The following SGCZ variants were observed in gnomAD, a reference collection of about 807,000 sequenced individuals.
The protein encoded by SGCZ is sarcoglycan zeta.
SGCZ carries 40 observed loss-of-function variants against 41.3 expected under a neutral mutation model. The ratio of observed to expected loss-of-function variants is 0.97; its 90% CI spans 0.75 to 1.26. The LOEUF (loss-of-function observed/expected upper bound fraction) is 1.26. SGCZ is among the 50% of genes most tolerant of loss of function. The pLI is 0.00. For missense variants in SGCZ, 552 were observed against 369.8 expected (o/e 1.49, Z -4.04); for synonymous variants, 206 against 137.5 (o/e 1.50, Z -3.49).
At chr8:14,422,305 G>A (rs1159169078) in intron 2 of SGCZ, among the ~76,000 whole-genome samples, 2 of 152,144 alleles carry the variant, frequency 1.3e-5, no homozygotes, top group East Asian at 1.9e-4. Context: ...TTGAAAAGTA[G>A]AATCTGTTAG....
At chr8:14,322,494 T>C (rs943465674) in intron 3 of SGCZ, among the ~76,000 whole-genome samples, 11 of 152,204 alleles carry the variant, frequency 7.2e-5, no homozygotes, top group Admixed American at 7.2e-4. Context: ...CACATACTCC[T>C]GTTTCTCAAG....
chr8:14,943,581 T>C (rs1187779907), intron 1 of SGCZ, among the ~76,000 whole-genome samples: 5 of 152,172 alleles, frequency 3.3e-5, no homozygotes, highest in African/African-American at 1.2e-4. Context: ...TTGTTAACTT[T>C]TATTTGGGTT....
chr8:14,485,349 G>A (rs548922353), intron 2 of SGCZ, among the ~76,000 whole-genome samples: 15 of 152,208 alleles, frequency 9.9e-5, no homozygotes, highest in East Asian at 5.8e-4. Context: ...CGATTCTCCC[G>A]CCTCAGCCTC....
chr8:14,925,030 G>C (rs928383744), intron 1 of SGCZ, among the ~76,000 whole-genome samples: 2 of 151,818 alleles, frequency 1.3e-5, no homozygotes, highest in African/African-American at 4.8e-5. Flanking sequence ...GCTAATTTTT[G>C]TATTTTTAGT....
At chr8:14,400,850 C>A (rs1799051535) in intron 2 of SGCZ, among the ~76,000 whole-genome samples, 1 of 152,106 alleles carries the variant, frequency 6.6e-6, no homozygotes, top group Non-Finnish European at 1.5e-5. Context: ...CATGGCAGCA[C>A]AAGTTAATTT....
intron 1 of SGCZ, among the ~76,000 whole-genome samples, chr8:14,950,127 G>A (rs1383412): frequency 2.3e-3 from 350 of 151,816 alleles, no homozygotes; most frequent in African/African-American, 8.1e-3. Flanking sequence ...TCTCTCCAGG[G>A]GTAGTGTATT....
chr8:14,095,976 T>C (rs1801833001), intron 7 of SGCZ, among the ~76,000 whole-genome samples: 1 of 152,194 alleles, frequency 6.6e-6, no homozygotes, highest in East Asian at 1.9e-4. Flanking sequence ...TTTGCTGAAG[T>C]TGCTTATCAG....
intron 2 of SGCZ, among the ~76,000 whole-genome samples, chr8:14,425,387 G>A (rs1207911818): frequency 2.0e-5 from 3 of 152,042 alleles, no homozygotes; most frequent in African/African-American, 4.8e-5. Flanking sequence ...TTGGGAGGCC[G>A]AGGCAGGTGG....
intron 1 of SGCZ, among the ~76,000 whole-genome samples, chr8:15,088,132 C>A (rs1219762328): frequency 1.3e-5 from 2 of 152,090 alleles, no homozygotes; most frequent in African/African-American, 4.8e-5. Context: ...ATAGGCAGTG[C>A]AATATGCATG....
intron 2 of SGCZ, among the ~76,000 whole-genome samples, chr8:14,348,604 T>C (rs564599796): frequency 8.2e-4 from 125 of 152,274 alleles, no homozygotes; most frequent in Middle Eastern, 3.4e-3. Flanking sequence ...AAACTTGGCA[T>C]ATATTCGCTG....
At chr8:14,195,869 C>A (rs982960849) in intron 4 of SGCZ, among the ~76,000 whole-genome samples, 5 of 152,044 alleles carry the variant, frequency 3.3e-5, no homozygotes, top group African/African-American at 1.2e-4. Context: ...CTGAATAAAT[C>A]ATCTCTAGCA....
At position 14,901,557 on chromosome 8, in the gene SGCZ, G is replaced by A. The variant is rs566834986; in HGVS notation, c.39+336028C>T. On this transcript the variant is annotated intron_variant, in intron 1 of 7. Transcript: ENST00000382080. ...ATTTTATTTAAAGGATGCTGTATCT[G>A]TAAAATGTGTGAAGGACTGTTAGGT... is the stretch of plus-strand genomic sequence containing the variant. Among the ~76,000 whole-genome samples, 8 of 152,210 alleles carry A rather than the reference G, an allele frequency of 5.3e-5. No individual in the cohort carries two copies. In the East Asian group the frequency reaches 1.5e-3, roughly 29 times the overall value.
At chr8:15,168,085 G>C (rs1799717372) in intron 1 of SGCZ, among the ~76,000 whole-genome samples, 1 of 152,172 alleles carries the variant, frequency 6.6e-6, no homozygotes, top group South Asian at 2.1e-4. Flanking sequence ...TCTCTTGTTG[G>C]AGGAGGACTC....
At chr8:14,621,797 G>C (rs1806295254) in intron 1 of SGCZ, among the ~76,000 whole-genome samples, 2 of 152,070 alleles carry the variant, frequency 1.3e-5, no homozygotes, top group African/African-American at 4.8e-5. Flanking sequence ...CCCCTGACAA[G>C]TTGGGATTAC....
chr8:14,310,017 T>C (rs558412602), intron 3 of SGCZ, among the ~76,000 whole-genome samples: 14 of 152,228 alleles, frequency 9.2e-5, no homozygotes, highest in African/African-American at 3.1e-4. Flanking sequence ...AAAAAAAAAC[T>C]TGGCATTTCT....
At chr8:15,022,316 A>G (rs1803282163) in intron 1 of SGCZ, among the ~76,000 whole-genome samples, 1 of 152,104 alleles carries the variant, frequency 6.6e-6, no homozygotes, top group African/African-American at 2.4e-5. Flanking sequence ...ATTTTTCTAA[A>G]ATGAAATGAT....
At chr8:14,513,108 A>G (rs938691442) in intron 2 of SGCZ, among the ~76,000 whole-genome samples, 3 of 152,032 alleles carry the variant, frequency 2.0e-5, no homozygotes, top group African/African-American at 7.2e-5. Flanking sequence ...CAGTGGTGCA[A>G]TCAAGCTCAG....
chr8:14,877,776 G>A (rs767925386), intron 1 of SGCZ, among the ~76,000 whole-genome samples: 8 of 152,012 alleles, frequency 5.3e-5, no homozygotes, highest in African/African-American at 1.7e-4. Context: ...CTACAAAAAC[G>A]AATATATTTA....
chr8:15,210,104 GT>G (rs1801191346), intron 1 of SGCZ, among the ~76,000 whole-genome samples: 1 of 152,098 alleles, frequency 6.6e-6, no homozygotes, highest in South Asian at 2.1e-4. Flanking sequence ...AAGAGGACAA[GT>G]CTTTGGAATC....
Sources: allele counts gnomAD v4.1 joint callset (sites outside exome capture counted in the v4.1 genomes callset), GRCh38; gene constraint gnomAD v4.1.1; transcripts MANE v1.5; gene names NCBI Gene and HGNC (gene_info 2026-07-23, HGNC 2026-07-21).